ASTN2: variants seen among roughly 807,000 people sequenced by gnomAD.
The protein encoded by ASTN2 is astrotactin-2.
A neutral mutation model predicts 139.8 loss-of-function variants in ASTN2; 54 were observed. The ratio of observed to expected loss-of-function variants is 0.39; its 90% CI spans 0.31 to 0.48. The LOEUF (loss-of-function observed/expected upper bound fraction) is 0.48, where lower values mean the gene tolerates loss of function less well. ASTN2 is among the 20% of genes least tolerant of loss of function. The pLI, the probability that ASTN2 is intolerant of heterozygous loss-of-function variation, is 0.95. For synonymous variants in ASTN2, 756 were observed against 719.5 expected (o/e 1.05, Z -0.81); for missense variants, 1,565 against 1,725.1 (o/e 0.91, Z 1.64).
chr9:117,296,509 G>C (rs969815090), intron 1 of ASTN2, among the ~76,000 whole-genome samples: 1 of 151,996 alleles, frequency 6.6e-6, no homozygotes, highest in African/African-American at 2.4e-5. Flanking sequence ...TTTTCCAATT[G>C]CATTTTCCCT....
chr9:117,228,966 T>G (rs910324006), intron 2 of ASTN2, among the ~76,000 whole-genome samples: 9 of 152,032 alleles, frequency 5.9e-5, no homozygotes, highest in Admixed American at 3.9e-4. Flanking sequence ...ATGGTGCCAC[T>G]GCACTCCAGC....
chr9:117,345,878 T>C (rs1409282071), intron 1 of ASTN2, among the ~76,000 whole-genome samples: 3 of 151,954 alleles, frequency 2.0e-5, no homozygotes, highest in Non-Finnish European at 4.4e-5. Flanking sequence ...AATTCTGCAG[T>C]TTTCTTATTA....
At chr9:116,685,312 C>A (rs1309591762) in intron 16 of ASTN2, among the ~76,000 whole-genome samples, 1 of 152,172 alleles carries the variant, frequency 6.6e-6, no homozygotes, top group Non-Finnish European at 1.5e-5. Context: ...CTTCCCCCAA[C>A]CCACCAAGTT....
At chr9:116,779,855 G>A (rs181272678) in intron 13 of ASTN2, among the ~76,000 whole-genome samples, 26 of 151,906 alleles carry the variant, frequency 1.7e-4, no homozygotes, top group Admixed American at 1.6e-3. Context: ...ATTCCCCCCT[G>A]GTCTCAGCCT....
In ASTN2 at chr9:116,671,585, T is replaced by C. The variant is rs115449022; in HGVS notation, c.2807-19792A>G. On this transcript the variant is annotated intron_variant, in intron 16 of 22. Transcript: ENST00000313400. ...ATATTTACTACCTCCTCCACTTGAGTTACTTGCTCCCAAGCAACAGAATAT... is the reference window on the plus strand; with the variant it reads ...ATATTTACTACCTCCTCCACTTGAGCTACTTGCTCCCAAGCAACAGAATAT... Among the ~76,000 whole-genome samples, 1,491 of 152,212 alleles carry C rather than the reference T, an allele frequency of 9.8e-3. 19 individuals are homozygous for C. Among genetic ancestry groups the C allele is most frequent in the African/African-American group, 0.032 (1,314 of 41,530 alleles).
chr9:116,683,825 A>AT (rs1246049367), intron 16 of ASTN2, among the ~76,000 whole-genome samples: 3 of 23,004 alleles, frequency 1.3e-4, no homozygotes, highest in Non-Finnish European at 2.3e-4. Context: ...TAAGTGCAGT[A>AT]AGAATCTGTT....
At chr9:116,435,563 T>C (rs1025819777) in intron 22 of ASTN2, among the ~76,000 whole-genome samples, 3 of 152,204 alleles carry the variant, frequency 2.0e-5, no homozygotes, top group African/African-American at 7.2e-5. Flanking sequence ...TCCAATAAGA[T>C]TTATATTTTT....
At chr9:116,481,766 G>C (rs1849176258) in intron 20 of ASTN2, among the ~76,000 whole-genome samples, 1 of 152,164 alleles carries the variant, frequency 6.6e-6, no homozygotes. Context: ...CCCATCTATA[G>C]GCTGTGATCT....
chr9:116,914,581 A>ATTT (rs917437769), intron 10 of ASTN2, among the ~76,000 whole-genome samples: 2 of 147,252 alleles, frequency 1.4e-5, no homozygotes, highest in African/African-American at 2.5e-5. Context: ...ATTTATATAT[A>ATTT]TTTTTTTTTA....
In ASTN2 at chr9:117,249,221, C is replaced by T. The variant is rs549242403; in HGVS notation, c.631-34479G>A. On this transcript the variant is annotated intron_variant, in intron 2 of 22. Transcript: ENST00000313400. ...AAGAAAGAAAAACAAGGCAATAAAC[C>T]CTAATGGAAAAGAAGGAAAAGAAAA... 2.0e-5 allele frequency among the ~76,000 whole-genome samples: 3 copies of T among 152,172 alleles called. No homozygotes were observed. The East Asian group carries it at 5.8e-4, about 29-fold the overall frequency.
intron 2 of ASTN2, among the ~76,000 whole-genome samples, chr9:117,261,684 C>G (rs1329345225): frequency 6.6e-6 from 1 of 152,158 alleles, no homozygotes; most frequent in African/African-American, 2.4e-5. Context: ...ATCTGTAGCC[C>G]TAAACTGTGC....
intron 10 of ASTN2, among the ~76,000 whole-genome samples, chr9:116,941,559 C>T (rs114859645): frequency 0.024 from 3,505 of 144,890 alleles, 138 homozygotes; most frequent in African/African-American, 0.081. Context: ...CTACCCCCCA[C>T]ATCATGGAAG....
chr9:117,111,442 A>G (rs1382183515), intron 4 of ASTN2, among the ~76,000 whole-genome samples: 1 of 151,998 alleles, frequency 6.6e-6, no homozygotes, highest in Non-Finnish European at 1.5e-5. Context: ...AAAATAAAAA[A>G]AAAAACACTG....
At chr9:116,962,452 T>G (rs1034283960) in intron 10 of ASTN2, among the ~76,000 whole-genome samples, 1 of 152,230 alleles carries the variant, frequency 6.6e-6, no homozygotes, top group East Asian at 1.9e-4. Flanking sequence ...TTAACTTGTG[T>G]AGCCTCTAAG....
chr9:116,942,473 G>GCCCT (rs1835269069), intron 10 of ASTN2, among the ~76,000 whole-genome samples: 3 of 152,138 alleles, frequency 2.0e-5, no homozygotes, highest in Non-Finnish European at 4.4e-5. Context: ...GATTGAGATA[G>GCCCT]CCCTCTGTAG....
intron 22 of ASTN2, among the ~76,000 whole-genome samples, chr9:116,439,236 T>A: frequency 9.3e-6 from 1 of 107,300 alleles, no homozygotes; most frequent in Admixed American, 1.1e-4. Flanking sequence ...AGTCTCGCTC[T>A]GTCGCCCAGG....
intron 5 of ASTN2, among the ~76,000 whole-genome samples, chr9:117,043,289 A>G (rs1416332655): frequency 6.6e-6 from 1 of 152,172 alleles, no homozygotes; most frequent in African/African-American, 2.4e-5. Context: ...ACAAGATGTG[A>G]AAGGTAGTGA....
chr9:117,404,783 C>A (rs1564187471), intron 1 of ASTN2, among the ~76,000 whole-genome samples: 1 of 151,918 alleles, frequency 6.6e-6, no homozygotes, highest in Non-Finnish European at 1.5e-5. Context: ...GATCACTGAT[C>A]CCCTAGTAAA....
chr9:116,463,970 A>ACTCC (rs1364812904), intron 20 of ASTN2, among the ~76,000 whole-genome samples: 4 of 141,068 alleles, frequency 2.8e-5, no homozygotes, highest in Non-Finnish European at 6.1e-5. Flanking sequence ...CTGGCCTTGA[A>ACTCC]CTCCTAGTCT....
Sources: gnomAD v4.1 joint callset for allele counts (sites outside exome capture counted in the v4.1 genomes callset) on GRCh38, gnomAD v4.1.1 for gene constraint, MANE v1.5 for transcripts, NCBI Gene and HGNC (gene_info 2026-07-23, HGNC 2026-07-21) for gene names.